SPATC1L: variants seen among roughly 807,000 people sequenced by gnomAD.
SPATC1L encodes spermatogenesis and centriole associated 1 like, also known as speriolin-like protein.
SPATC1L carries 20 observed loss-of-function variants against 21.2 expected under a neutral mutation model. That is an observed-to-expected ratio of 0.94 (90% CI 0.66 to 1.37). SPATC1L has a LOEUF of 1.37. Among genes scored for constraint, SPATC1L ranks in the 40% most tolerant of loss-of-function variants. The probability of loss-of-function intolerance (pLI) is 0.00; values close to 1 mark genes in which losing one functional copy is unlikely to be tolerated. For missense variants in SPATC1L, 499 were observed against 478.7 expected, an observed-to-expected ratio of 1.04 and a Z score of -0.40; for synonymous variants, 290 against 234.5, an observed-to-expected ratio of 1.24 and a Z score of -2.16.
chr21:46,161,780 C>T (rs1370981725), intron 4 of SPATC1L, 75 bp from the exon 5 acceptor site: 3 of 1,482,226 alleles, frequency 2.0e-6, no homozygotes, highest in South Asian at 2.6e-5. Context: ...CAGGGCCGAT[C>T]CCTGCCCCGC....
chr21:46,162,368 C>G (rs2079506442), intron 3 of SPATC1L, among the ~76,000 whole-genome samples: 1 of 152,082 alleles, frequency 6.6e-6, no homozygotes, highest in Non-Finnish European at 1.5e-5. Flanking sequence ...CAGCGTCGGC[C>G]CCTGCGAGGA....
At chr21:46,163,297 G>T (rs2079516467) in intron 3 of SPATC1L, among the ~76,000 whole-genome samples, 1 of 152,090 alleles carries the variant, frequency 6.6e-6, no homozygotes, top group African/African-American at 2.4e-5. Context: ...TCATTTTTTT[G>T]ATACTGTCCT....
chr21:46,167,585 C>A (rs893766490), intron 3 of SPATC1L, among the ~76,000 whole-genome samples: 5 of 152,154 alleles, frequency 3.3e-5, no homozygotes, highest in Admixed American at 3.3e-4. Context: ...GAGGCCGAGG[C>A]AGGCGAATTG....
At chr21:46,174,344 C>CAAAAAAAAAAAAA (rs200980627) in intron 2 of SPATC1L, among the ~76,000 whole-genome samples, 1 of 68,832 alleles carries the variant, frequency 1.5e-5, no homozygotes. Flanking sequence ...AAAAACAAAA[C>CAAAAAAAAAAAAA]AAAAAAAAAA....
rs770137421 is a variant in SPATC1L at position 46,161,595 on chromosome 21, G to A, written c.807C>T (p.Asp269=). 1.1e-5 allele frequency: 17 copies of A among 1,610,224 alleles called. No individual in the cohort carries two copies. The highest frequency in any genetic ancestry group is 2.2e-5 in the South Asian group (2 of 90,742). ...GGAACTCGCTGAACGCCGGGTGCAC[G>A]TCGCGGCTGTAGCCCAGCTTCTCCA... The part of the protein sequence containing the change: ...ARLEKLGYSR[D]VHPAFSEFLI... The change falls in exon 5 of 5, where the codon GAC becomes GAT. Residue 269 remains aspartate (D), a synonymous_variant. Coordinates refer to ENST00000291672, the MANE Select transcript of SPATC1L (RefSeq NM_001142854.2).
At position 46,161,537 on chromosome 21, in the gene SPATC1L, G is replaced by T. The variant is rs777844446; in HGVS notation, c.865C>A (p.Pro289Thr). Residue 289 changes from proline (P) to threonine (T), a missense_variant, in exon 5 of 5, where the codon CCC becomes ACC. Coordinates refer to ENST00000291672, the MANE Select transcript of SPATC1L (RefSeq NM_001142854.2). ...TGCAGGGGGTTGGCGCGCAGGTCGG[G>T]CCGCTGCTTCAGGATTCCGTAGGTG... ...INTYGILKQR[P>T]DLRANPLHSS... is the part of the protein sequence containing the mutation. 13 of 1,610,358 alleles carry T rather than the reference G, an allele frequency of 8.1e-6. No homozygotes were observed. The East Asian group carries it at 2.9e-4, about 36-fold the overall frequency.
rs2079695752 is a variant in SPATC1L, at chr21:46,183,461, C to CTGG, written c.-646_-645insCCA. ...AGACCAGCTTGTGGGGGAGACCAGT[C>CTGG]TGCGGGGGAGACCAGCCTGGGGAGG... On this transcript the variant is annotated 5_prime_UTR_variant, in exon 2 of 5. Coordinates refer to ENST00000291672, the MANE Select transcript of SPATC1L (RefSeq NM_001142854.2). 6.0e-6 allele frequency: 1 copy of CTGG among 167,400 alleles called. No homozygotes were observed. Among genetic ancestry groups the CTGG allele is most frequent in the African/African-American group, 2.6e-5 (1 of 38,626 alleles). 10.4% of individuals were successfully genotyped at this position (167,400 alleles called of 1,614,324 possible).
At position 46,161,975 on chromosome 21, in the gene SPATC1L, G is replaced by GCTGTTA; in HGVS notation, c.636_637insTAACAG (p.Phe212_Pro213insTer). 4 of 1,607,698 alleles carry GCTGTTA rather than the reference G, an allele frequency of 2.5e-6. No individual in the cohort carries two copies. In the South Asian group the frequency reaches 4.4e-5, roughly 18 times the overall value. Reference sequence around the variant, plus strand: ...AAGCCGTAGAGCCGCGTCACGCCCGGGAACACGTAGGCCAGGATGCGGCGG... The same window carrying GCTGTTA: ...AAGCCGTAGAGCCGCGTCACGCCCGGCTGTTAGAACACGTAGGCCAGGATGCGGCGG... On this transcript the variant is annotated stop_gained and inframe_insertion, in exon 4 of 5. Transcript: ENST00000291672. LOFTEE classifies it high-confidence loss of function.
At chr21:46,182,599 C>A in intron 2 of SPATC1L, 25 bp downstream of exon 2, 1 of 1,436,734 alleles carries the variant, frequency 7.0e-7, no homozygotes, top group African/African-American at 1.4e-5. Context: ...ATCTACCAGG[C>A]CATCTGAGCT....
At chr21:46,171,358 A>G (rs965606122) in intron 2 of SPATC1L, among the ~76,000 whole-genome samples, 1 of 151,560 alleles carries the variant, frequency 6.6e-6, no homozygotes, top group Non-Finnish European at 1.5e-5. Flanking sequence ...AAATGTGCCT[A>G]CTGGAGCTTG....
chr21:46,182,992 C>G lies in SPATC1L; in HGVS notation c.-176G>C. Reference sequence around the variant, plus strand: ...GAGGTGCCCAGCACCCTGCCTGCCCCCGCGATGGCTCATGGCCCCGTTGAG... The same window carrying G: ...GAGGTGCCCAGCACCCTGCCTGCCCGCGCGATGGCTCATGGCCCCGTTGAG... On this transcript the variant is annotated 5_prime_UTR_variant, in exon 2 of 5. Coordinates refer to ENST00000291672, the MANE Select transcript of SPATC1L (RefSeq NM_001142854.2). The G allele has an allele frequency of 1.5e-6, 1 of 680,698 alleles. No homozygotes were observed. The highest frequency in any genetic ancestry group is 3.5e-5 in the Admixed American group (1 of 28,864). The allele number at this position is 680,698 out of a possible 1,614,324, so 42.2% of individuals were successfully genotyped here. A position where few individuals can be genotyped will look rare whatever the true frequency, so the allele number is the denominator to read the frequency against.
intron 2 of SPATC1L, 73 bp downstream of exon 2, chr21:46,182,551 C>A: frequency 7.3e-7 from 1 of 1,369,828 alleles, no homozygotes; most frequent in Non-Finnish European, 9.6e-7. Context: ...TGGCCGCCAC[C>A]CTCGACTCCC....
In SPATC1L at chr21:46,182,905, A is replaced by C. The variant is rs1193724118; in HGVS notation, c.-89T>G. On this transcript the variant is annotated 5_prime_UTR_variant, in exon 2 of 5. Coordinates refer to ENST00000291672, the MANE Select transcript of SPATC1L (RefSeq NM_001142854.2). ...CCCGCAGGCACCACAGAAACAGCCC[A>C]GGCACGGAGTTCCGTAGCCACCACC... The C allele has an allele frequency of 2.7e-5, 36 of 1,346,496 alleles. No homozygotes were observed. Among genetic ancestry groups the C allele is most frequent in the Non-Finnish European group, 3.4e-5 (35 of 1,017,270 alleles). The allele number at this position is 1,346,496 out of a possible 1,614,324, so 83.4% of individuals were successfully genotyped here.
chr21:46,172,260 G>T (rs1449814595), intron 2 of SPATC1L, among the ~76,000 whole-genome samples: 4 of 151,854 alleles, frequency 2.6e-5, no homozygotes, highest in Non-Finnish European at 5.9e-5. Flanking sequence ...CACAAGATGG[G>T]GGTGGAGAGC....
chr21:46,168,501 G>A lies in SPATC1L; in HGVS notation c.351C>T (p.Phe117=), dbSNP rs1049294112. 6.4e-7 allele frequency: 1 copy of A among 1,553,010 alleles called. No individual in the cohort carries two copies. The part of the protein sequence containing the change: ...AAPSQAPFKA[F]LSPPEPHSHR... Reference sequence around the variant, plus strand: ...GGCTATGTGGCTCTGGGGGACTGAGGAAGGCCTTGAAGGGTGCCTGGGAGG... The same window carrying A: ...GGCTATGTGGCTCTGGGGGACTGAGAAAGGCCTTGAAGGGTGCCTGGGAGG... Residue 117 remains phenylalanine (F), a synonymous_variant, in exon 3 of 5, where the codon TTC becomes TTT. Transcript: ENST00000291672.
At chr21:46,180,196 C>A (rs1328769046) in intron 2 of SPATC1L, among the ~76,000 whole-genome samples, 1 of 152,222 alleles carries the variant, frequency 6.6e-6, no homozygotes, top group Non-Finnish European at 1.5e-5. Context: ...GCCCAGTGTT[C>A]AAGTGTGCCG....
rs942110944 is a variant in SPATC1L, at chr21:46,182,580, G to A, written c.193+44C>T. 69 of 1,420,494 alleles carry A rather than the reference G, an allele frequency of 4.9e-5. 1 individual carries two copies. Among genetic ancestry groups the A allele is most frequent in the South Asian group, 9.1e-5 (6 of 66,058 alleles). 88.0% of individuals were successfully genotyped at this position (1,420,494 alleles called of 1,614,324 possible). On this transcript the variant is annotated intron_variant, in intron 2 of 4. Transcript: ENST00000291672. Reference sequence around the variant, plus strand: ...GACTCCCGGGGAGCAGGCGTCCCGCGACCCCCTCATCTACCAGGCCATCTG... The same window carrying A: ...GACTCCCGGGGAGCAGGCGTCCCGCAACCCCCTCATCTACCAGGCCATCTG...
intron 4 of SPATC1L, 55 bp downstream of exon 4, chr21:46,161,861 G>A (rs2123613837): frequency 6.3e-7 from 1 of 1,582,334 alleles, no homozygotes. Context: ...GGGCCGCACA[G>A]GGACGGACCG....
intron 3 of SPATC1L, among the ~76,000 whole-genome samples, chr21:46,166,590 T>C (rs1743660593): frequency 6.8e-6 from 1 of 147,452 alleles, no homozygotes. Context: ...TAGAAAAGGA[T>C]ATTCCATGCA....
Sources: gnomAD v4.1 joint callset for allele counts (sites outside exome capture counted in the v4.1 genomes callset) on GRCh38, gnomAD v4.1.1 for gene constraint, MANE v1.5 for transcripts, NCBI Gene and HGNC (gene_info 2026-07-23, HGNC 2026-07-21) for gene names.